The following CSMD1 variants were observed in gnomAD, a reference collection of about 807,000 sequenced individuals.
The protein encoded by CSMD1 is CUB and Sushi multiple domains 1.
A neutral mutation model predicts 417.5 loss-of-function variants in CSMD1; 213 were observed. That is an observed-to-expected ratio of 0.51 (90% confidence interval 0.46 to 0.57). The LOEUF (loss-of-function observed/expected upper bound fraction) is 0.57. CSMD1 is among the 20% of genes least tolerant of loss of function. The probability of loss-of-function intolerance (pLI) is 0.00; values close to 1 mark genes in which losing one functional copy is unlikely to be tolerated. For synonymous variants in CSMD1, 2,862 were observed against 1,736.8 expected (o/e 1.65, Z -16.11); for missense variants, 6,923 against 4,529.7 (o/e 1.53, Z -15.17).
rs73180497 is a variant in CSMD1 at position 4,174,241 on chromosome 8, G to T, written c.416-142142C>A. On this transcript the variant is annotated intron_variant, in intron 3 of 69. Transcript: ENST00000635120. ...GAGGACACCGTCTTGAAAGCAAAGCGCTAAAAAGGAAATGAATCTTCAGCA... is the reference window on the plus strand; with the variant it reads ...GAGGACACCGTCTTGAAAGCAAAGCTCTAAAAAGGAAATGAATCTTCAGCA... Among the ~76,000 whole-genome samples, 5 of 152,002 alleles carry T rather than the reference G, an allele frequency of 3.3e-5. No homozygotes were observed. The East Asian group carries it at 9.7e-4, about 30-fold the overall frequency.
intron 1 of CSMD1, among the ~76,000 whole-genome samples, chr8:4,889,678 G>C (rs919992768): frequency 6.6e-6 from 1 of 152,002 alleles, no homozygotes; most frequent in Non-Finnish European, 1.5e-5. Context: ...AAGCTGGAGA[G>C]AAAAACAGTA....
At chr8:4,259,609 A>C (rs1040975199) in intron 3 of CSMD1, among the ~76,000 whole-genome samples, 1 of 152,088 alleles carries the variant, frequency 6.6e-6, no homozygotes, top group African/African-American at 2.4e-5. Context: ...AAACTTCAAA[A>C]CTTTACAAAT....
At chr8:3,653,319 T>C (rs1345486184) in intron 7 of CSMD1, among the ~76,000 whole-genome samples, 1 of 152,118 alleles carries the variant, frequency 6.6e-6, no homozygotes, top group Non-Finnish European at 1.5e-5. Flanking sequence ...TCTTTTGTTG[T>C]TGTTGTTGTT....
chr8:3,851,878 G>C (rs919883360), intron 5 of CSMD1, among the ~76,000 whole-genome samples: 6 of 152,108 alleles, frequency 3.9e-5, no homozygotes, highest in African/African-American at 7.2e-5. Context: ...AAAGCCAGTG[G>C]GCTCCATGGA....
At chr8:3,051,419 A>C (rs1008612160) in intron 50 of CSMD1, among the ~76,000 whole-genome samples, 10 of 152,174 alleles carry the variant, frequency 6.6e-5, no homozygotes, top group African/African-American at 2.4e-4. Flanking sequence ...TAAAGAAGGC[A>C]GCAACAGACA....
At chr8:4,766,260 A>T (rs1357720825) in intron 1 of CSMD1, among the ~76,000 whole-genome samples, 15 of 152,164 alleles carry the variant, frequency 9.9e-5, no homozygotes, top group Admixed American at 9.8e-4. Context: ...GTAGCAGAAT[A>T]TCCTGTCGTG....
chr8:3,298,895 G>C (rs1804170725), intron 25 of CSMD1, among the ~76,000 whole-genome samples: 1 of 152,138 alleles, frequency 6.6e-6, no homozygotes. Context: ...TCTGAGTTCT[G>C]GTTACATGGG....
chr8:4,167,896 G>C (rs1364140225), intron 3 of CSMD1, among the ~76,000 whole-genome samples: 4 of 152,064 alleles, frequency 2.6e-5, no homozygotes, highest in South Asian at 2.1e-4. Context: ...GGGAGGCTGA[G>C]GCAGGCGGAC....
chr8:4,929,272 C>A (rs1031449292), intron 1 of CSMD1, among the ~76,000 whole-genome samples: 1 of 152,194 alleles, frequency 6.6e-6, no homozygotes, highest in East Asian at 1.9e-4. Context: ...CTGCAGACAC[C>A]GTCGTTGTGG....
At chr8:4,555,490 C>A (rs1798049786) in intron 2 of CSMD1, among the ~76,000 whole-genome samples, 1 of 152,126 alleles carries the variant, frequency 6.6e-6, no homozygotes, top group African/African-American at 2.4e-5. Context: ...GTGAAGCTAG[C>A]CTTCCTGCCT....
chr8:4,032,131 C>T (rs1274402605), intron 3 of CSMD1, 32 bp from the exon 4 acceptor site: 3 of 1,546,652 alleles, frequency 1.9e-6, no homozygotes, highest in Non-Finnish European at 2.6e-6. Flanking sequence ...GGAGAAAAAA[C>T]AAGTTAAATT....
intron 3 of CSMD1, among the ~76,000 whole-genome samples, chr8:4,354,909 T>TGTGTGTGTGTGTGTGTGTGTGTG (rs201029099): frequency 1.4e-5 from 2 of 146,822 alleles, no homozygotes; most frequent in Non-Finnish European, 3.0e-5. Flanking sequence ...TGTGTGTGTG[T>TGTGTGTGTGTGTGTGTGTGTGTG]TAAATATTTG....
chr8:3,373,144 T>C (rs1810079100), intron 18 of CSMD1, among the ~76,000 whole-genome samples: 1 of 152,218 alleles, frequency 6.6e-6, no homozygotes, highest in Non-Finnish European at 1.5e-5. Context: ...ATAAAATTAA[T>C]TCATATCCAA....
At chr8:4,696,724 A>C (rs963897890) in intron 1 of CSMD1, among the ~76,000 whole-genome samples, 2 of 152,236 alleles carry the variant, frequency 1.3e-5, no homozygotes, top group African/African-American at 4.8e-5. Flanking sequence ...CTATTTCACT[A>C]GTACCCAGAA....
intron 3 of CSMD1, among the ~76,000 whole-genome samples, chr8:4,134,545 C>G (rs903852588): frequency 6.6e-6 from 1 of 152,208 alleles, no homozygotes; most frequent in Non-Finnish European, 1.5e-5. Context: ...TTTAAGCCAC[C>G]TAGTCTGTGG....
chr8:3,036,457 T>G (rs912730330), intron 50 of CSMD1, among the ~76,000 whole-genome samples: 4 of 152,224 alleles, frequency 2.6e-5, no homozygotes, highest in Non-Finnish European at 5.9e-5. Context: ...TAACCAACTT[T>G]AATTGAAGCA....
At chr8:4,307,255 A>C (rs1370665936) in intron 3 of CSMD1, among the ~76,000 whole-genome samples, 1 of 152,126 alleles carries the variant, frequency 6.6e-6, no homozygotes, top group Non-Finnish European at 1.5e-5. Flanking sequence ...TATGCTAATC[A>C]TGCACAGAGG....
At chr8:4,193,079 T>C (rs922010954) in intron 3 of CSMD1, among the ~76,000 whole-genome samples, 7 of 152,236 alleles carry the variant, frequency 4.6e-5, no homozygotes, top group Admixed American at 3.9e-4. Context: ...AATACATCTT[T>C]TGAGCAGTGA....
chr8:4,554,274 C>A (rs925326442), intron 2 of CSMD1, among the ~76,000 whole-genome samples: 1 of 152,034 alleles, frequency 6.6e-6, no homozygotes, highest in East Asian at 1.9e-4. Flanking sequence ...GTAGCTGAGA[C>A]TACAGGCATG....
Sources: gnomAD v4.1 joint callset for allele counts (sites outside exome capture counted in the v4.1 genomes callset) on GRCh38, gnomAD v4.1.1 for gene constraint, MANE v1.5 for transcripts, NCBI Gene and HGNC (gene_info 2026-07-23, HGNC 2026-07-21) for gene names.